STK32B: variants seen among roughly 807,000 people sequenced by gnomAD.
STK32B encodes serine/threonine kinase 32B.
In STK32B, 43 loss-of-function variants were observed where a neutral mutation model predicts 52.6. That is an observed-to-expected ratio of 0.82 (90% confidence interval 0.64 to 1.05). STK32B has a LOEUF of 1.05. STK32B is among the 50% of genes least tolerant of loss of function. STK32B has a pLI of 0.00. For synonymous variants in STK32B, 238 were observed against 204.3 expected (o/e 1.17, Z -1.41); for missense variants, 621 against 534.6 (o/e 1.16, Z -1.59).
At chr4:5,377,815 T>C (rs1735679315) in intron 4 of STK32B, among the ~76,000 whole-genome samples, 2 of 152,212 alleles carry the variant, frequency 1.3e-5, no homozygotes, top group African/African-American at 4.8e-5. Flanking sequence ...TGATTGTCAG[T>C]TTCCTGAGGC....
chr4:5,463,482 TCA>T (rs1420344906), intron 9 of STK32B, among the ~76,000 whole-genome samples: 1 of 147,642 alleles, frequency 6.8e-6, no homozygotes, highest in East Asian at 1.9e-4. Flanking sequence ...ACACACTCAG[TCA>T]CACTCACACA....
At chr4:5,445,263 C>T (rs1302926025) in intron 6 of STK32B, among the ~76,000 whole-genome samples, 3 of 152,162 alleles carry the variant, frequency 2.0e-5, no homozygotes, top group African/African-American at 7.2e-5. Context: ...GCTGCCCAGC[C>T]AGCGCCCCCA....
At chr4:5,366,295 T>G (rs7656407) in intron 4 of STK32B, among the ~76,000 whole-genome samples, 7,654 of 151,892 alleles carry the variant, frequency 0.05, 298 homozygotes, top group African/African-American at 0.1. Flanking sequence ...GGTGTGTTCC[T>G]TCACAGTTCA....
intron 1 of STK32B, among the ~76,000 whole-genome samples, chr4:5,093,278 G>A (rs1300619898): frequency 1.3e-5 from 2 of 152,130 alleles, no homozygotes; most frequent in Non-Finnish European, 2.9e-5. Flanking sequence ...CACAGACACA[G>A]ACTGTACATG....
rs374092001 is a variant in STK32B at position 5,070,367 on chromosome 4, C to G, written c.52+18452C>G. The stretch of plus-strand genomic sequence containing the variant: ...GTGTTGTTTTTGCTGTATTTCTTGG[C>G]AGCCCCTATGGAGAGACTGGGGGCT... On this transcript the variant is annotated intron_variant, in intron 1 of 11. Transcript: ENST00000282908. 2.0e-5 allele frequency among the ~76,000 whole-genome samples: 3 copies of G among 152,110 alleles called. No individual in the cohort carries two copies. The South Asian group carries it at 6.2e-4, about 32-fold the overall frequency.
intron 1 of STK32B, among the ~76,000 whole-genome samples, chr4:5,071,891 C>T (rs771420447): frequency 4.1e-4 from 62 of 152,066 alleles, no homozygotes; most frequent in African/African-American, 1.4e-3. Flanking sequence ...AGAAACAAAA[C>T]TATAATTGAG....
chr4:5,170,314 T>C (rs1471416526), intron 3 of STK32B, among the ~76,000 whole-genome samples: 2 of 152,164 alleles, frequency 1.3e-5, no homozygotes, highest in Admixed American at 1.3e-4. Flanking sequence ...TTTATTTTTA[T>C]TTTTATTATT....
chr4:5,324,054 A>G (rs752777248), intron 3 of STK32B, among the ~76,000 whole-genome samples: 23 of 152,238 alleles, frequency 1.5e-4, no homozygotes, highest in Admixed American at 7.8e-4. Context: ...AAATGAGCGC[A>G]TATACGTAAA....
intron 1 of STK32B, among the ~76,000 whole-genome samples, chr4:5,097,381 A>G (rs111531739): frequency 6.6e-6 from 1 of 152,346 alleles, no homozygotes; most frequent in Non-Finnish European, 1.5e-5. Flanking sequence ...CTGAGTTTAA[A>G]TGAATCCATC....
intron 11 of STK32B, among the ~76,000 whole-genome samples, chr4:5,494,855 G>A (rs1204610212): frequency 3.3e-5 from 5 of 152,176 alleles, no homozygotes; most frequent in Non-Finnish European, 7.3e-5. Flanking sequence ...GGCGGGATAT[G>A]AAATTCTGGG....
chr4:5,180,233 T>C (rs1445960812), intron 3 of STK32B, among the ~76,000 whole-genome samples: 1 of 152,186 alleles, frequency 6.6e-6, no homozygotes, highest in Admixed American at 6.5e-5. Context: ...ACCATGTGAT[T>C]TGCAATTCAG....
At chr4:5,419,727 C>T (rs1294857283) in intron 6 of STK32B, among the ~76,000 whole-genome samples, 1 of 152,140 alleles carries the variant, frequency 6.6e-6, no homozygotes, top group East Asian at 1.9e-4. Context: ...GTAAGGAGAA[C>T]TTATTTTTGT....
chr4:5,412,572 C>A (rs1051291857), intron 5 of STK32B, among the ~76,000 whole-genome samples: 1 of 152,124 alleles, frequency 6.6e-6, no homozygotes, highest in Admixed American at 6.5e-5. Flanking sequence ...GAGAGTGGGA[C>A]GGGGAAAGCT....
At chr4:5,087,035 G>A (rs942302167) in intron 1 of STK32B, among the ~76,000 whole-genome samples, 2 of 152,138 alleles carry the variant, frequency 1.3e-5, no homozygotes, top group South Asian at 2.1e-4. Flanking sequence ...ATGGATAAAT[G>A]AGACACAGCA....
intron 3 of STK32B, among the ~76,000 whole-genome samples, chr4:5,263,994 G>T (rs2108848194): frequency 6.6e-6 from 1 of 152,296 alleles, no homozygotes; most frequent in South Asian, 2.1e-4. Context: ...TATAGGAGCA[G>T]TTTATTTCAT....
the STK32B span, among the ~76,000 whole-genome samples, chr4:5,029,645 C>T: frequency 6.6e-5 from 10 of 152,304 alleles, no homozygotes; most frequent in East Asian, 1.9e-4. Context: ...CTCCTGCAGA[C>T]GAACCCAGGC....
At chr4:5,328,269 T>A (rs558367207) in intron 3 of STK32B, among the ~76,000 whole-genome samples, 87 of 152,352 alleles carry the variant, frequency 5.7e-4, no homozygotes, top group African/African-American at 2.0e-3. Flanking sequence ...AATTTTTATT[T>A]CCTTTGCATT....
intron 3 of STK32B, among the ~76,000 whole-genome samples, chr4:5,243,963 C>G (rs186965734): frequency 2.6e-4 from 40 of 152,228 alleles, no homozygotes; most frequent in Non-Finnish European, 4.4e-4. Flanking sequence ...TTTTGATGTG[C>G]TGCTGGATTC....
At position 5,460,116 on chromosome 4, in the gene STK32B, A is replaced by T. The variant is rs1253743392; in HGVS notation, c.797A>T (p.Asp266Val). The T allele has an allele frequency of 6.2e-7, 1 of 1,614,194 alleles. No individual in the cohort carries two copies. The change falls in exon 9 of 12, where the codon GAT (aspartate) becomes GTT (valine). Residue 266 changes from aspartate to valine, a missense_variant. Physicochemically the swap from Asp to Val is radical, Grantham distance 152 (BLOSUM62 -3). Coordinates refer to ENST00000282908, the MANE Select transcript of STK32B (RefSeq NM_018401.3). The surrounding 1 kb of genome is among the most constrained non-coding windows in gnomAD (Gnocchi z 4.8). Reference sequence around the variant, plus strand: ...CTCTAACTGCAGCTCCTGACCAAGGATCCTGAGAGCCGCGTGTCCAGCCTT... The same window carrying T: ...CTCTAACTGCAGCTCCTGACCAAGGTTCCTGAGAGCCGCGTGTCCAGCCTT... ...VALLRKLLTK[D>V]PESRVSSLHD...
Sources: gnomAD v4.1 joint callset for allele counts (sites outside exome capture counted in the v4.1 genomes callset) on GRCh38, gnomAD v4.1.1 for gene constraint, Gnocchi (gnomAD v3.1) non-coding constraint, MANE v1.5 for transcripts, NCBI Gene and HGNC (gene_info 2026-07-23, HGNC 2026-07-21) for gene names.